FERMT2: variants seen among roughly 807,000 people sequenced by gnomAD.
The protein encoded by FERMT2 is FERM domain containing kindlin 2.
Under a neutral mutation model 82.7 loss-of-function variants are expected in FERMT2, and 15 were observed. The ratio of observed to expected loss-of-function variants is 0.18; its 90% confidence interval spans 0.12 to 0.28. FERMT2 has a LOEUF of 0.28. Ranked by LOEUF, FERMT2 falls within the 10% of genes least tolerant of loss-of-function variation. The probability of loss-of-function intolerance (pLI) is 1.00; values close to 1 mark genes in which losing one functional copy is unlikely to be tolerated. For missense variants in FERMT2, 645 were observed against 809.4 expected (o/e 0.80, Z 2.46); for synonymous variants, 274 against 271.5 (o/e 1.01, Z -0.09).
chr14:52,860,681 C>T, intron 12 of FERMT2: 1 of 570,466 alleles, frequency 1.8e-6, no homozygotes, highest in East Asian at 3.0e-5. Flanking sequence ...CATATATCAA[C>T]AAAAAGTACT....
At chr14:52,887,961 T>C (rs1376231723) in intron 4 of FERMT2, among the ~76,000 whole-genome samples, 1 of 152,196 alleles carries the variant, frequency 6.6e-6, no homozygotes, top group Non-Finnish European at 1.5e-5. Flanking sequence ...GCTGGTATTT[T>C]GTGGCGATTA....
intron 9 of FERMT2, 107 bp downstream of exon 9, chr14:52,874,070 C>T (rs1021574686): frequency 6.9e-6 from 4 of 579,228 alleles, no homozygotes; most frequent in Non-Finnish European, 1.2e-5. Context: ...AATCCTTTTA[C>T]AGTAGATGCG....
intron 4 of FERMT2, among the ~76,000 whole-genome samples, chr14:52,885,158 C>G (rs578037940): frequency 2.2e-4 from 34 of 151,120 alleles, no homozygotes; most frequent in African/African-American, 8.3e-4. Flanking sequence ...ACTAAAAATA[C>G]AAAAATTAGC....
chr14:52,930,174 A>C (rs954125326), intron 2 of FERMT2, among the ~76,000 whole-genome samples: 1 of 152,184 alleles, frequency 6.6e-6, no homozygotes, highest in Non-Finnish European at 1.5e-5. Flanking sequence ...TAACTAGAAG[A>C]GTGGCAGAGA....
At chr14:52,932,733 T>C (rs1232878533) in intron 2 of FERMT2, among the ~76,000 whole-genome samples, 1 of 152,238 alleles carries the variant, frequency 6.6e-6, no homozygotes, top group Admixed American at 6.5e-5. Flanking sequence ...CATTGGTAAT[T>C]AGATTATTCT....
chr14:52,918,678 C>G (rs1400278470), intron 3 of FERMT2, among the ~76,000 whole-genome samples: 1 of 152,150 alleles, frequency 6.6e-6, no homozygotes, highest in African/African-American at 2.4e-5. Context: ...AGAAATACTA[C>G]AGAGATGTTC....
At chr14:52,908,193 G>A (rs1281245077) in intron 3 of FERMT2, among the ~76,000 whole-genome samples, 1 of 152,150 alleles carries the variant, frequency 6.6e-6, no homozygotes, top group African/African-American at 2.4e-5. Context: ...ATGTTTCAAG[G>A]ACACAGAGCA....
chr14:52,918,192 T>C (rs1888728779), intron 3 of FERMT2, among the ~76,000 whole-genome samples: 1 of 152,180 alleles, frequency 6.6e-6, no homozygotes, highest in Non-Finnish European at 1.5e-5. Flanking sequence ...GTCTATACTC[T>C]GAATTACAGC....
chr14:52,887,966 C>T (rs545790081), intron 4 of FERMT2, among the ~76,000 whole-genome samples: 13 of 152,018 alleles, frequency 8.6e-5, no homozygotes, highest in Non-Finnish European at 1.5e-4. Context: ...TATTTTGTGG[C>T]GATTAAGTGA....
intron 3 of FERMT2, among the ~76,000 whole-genome samples, chr14:52,900,931 A>G (rs1024478811): frequency 6.6e-6 from 1 of 151,992 alleles, no homozygotes; most frequent in Non-Finnish European, 1.5e-5. Flanking sequence ...ATGATGAGCT[A>G]AACTCCACCC....
At position 52,872,792 on chromosome 14, in the gene FERMT2, TC is replaced by T; in HGVS notation, c.1273+6del. The T allele has an allele frequency of 2.5e-6, 4 of 1,613,650 alleles. No individual in the cohort carries two copies. Among genetic ancestry groups the T allele is most frequent in the Non-Finnish European group, 3.4e-6 (4 of 1,179,812 alleles). ...CATCAACAACAGCCGTGCCAGGCTCTCCTTACCCCTGAGGTTCATCTGATGA... is the reference window on the plus strand; with the variant it reads ...CATCAACAACAGCCGTGCCAGGCTCTCTTACCCCTGAGGTTCATCTGATGA... On this transcript the variant is annotated splice_donor_region_variant and intron_variant, in intron 10 of 14. Transcript: ENST00000341590.
At chr14:52,869,467 T>G (rs995911254) in intron 10 of FERMT2, among the ~76,000 whole-genome samples, 4 of 152,174 alleles carry the variant, frequency 2.6e-5, no homozygotes, top group Admixed American at 6.6e-5. Context: ...AGCATTTCGG[T>G]AAACAACGAA....
At chr14:52,861,125 C>A in intron 12 of FERMT2, 1 of 1,201,710 alleles carries the variant, frequency 8.3e-7, no homozygotes, top group South Asian at 1.5e-5. Flanking sequence ...GAAAAAGTTG[C>A]GGTCACCTGC....
chr14:52,919,470 T>C, intron 2 of FERMT2, 114 bp from the exon 3 acceptor site: 1 of 681,630 alleles, frequency 1.5e-6, no homozygotes, highest in Non-Finnish European at 2.5e-6. Flanking sequence ...AACTACTAAG[T>C]TACTGTTATG....
chr14:52,935,189 TA>T (rs927034787), intron 2 of FERMT2, among the ~76,000 whole-genome samples: 3 of 151,588 alleles, frequency 2.0e-5, no homozygotes, highest in South Asian at 2.1e-4. Flanking sequence ...GATGTCATAT[TA>T]AAAAAAAAGT....
intron 3 of FERMT2, among the ~76,000 whole-genome samples, chr14:52,916,432 G>A (rs1342848865): frequency 1.3e-5 from 2 of 151,942 alleles, no homozygotes; most frequent in African/African-American, 4.8e-5. Context: ...CTATTACGAG[G>A]TGAAAGAAAC....
chr14:52,943,374 T>A lies in FERMT2; in HGVS notation c.157+7038A>T, dbSNP rs980772573. ...TCATTTTACATGTATCTTAATGTAA[T>A]GTCAATAAGCCATTTATTATATAAT... On this transcript the variant is annotated intron_variant, in intron 2 of 14. Transcript: ENST00000341590. Among the ~76,000 whole-genome samples the A allele has an allele frequency of 9.2e-5, 14 of 152,284 alleles. No homozygotes were observed. The East Asian group carries it at 2.3e-3, about 25-fold the overall frequency.
At chr14:52,948,648 T>C (rs1483164672) in intron 2 of FERMT2, 3 of 449,890 alleles carry the variant, frequency 6.7e-6, no homozygotes, top group East Asian at 6.9e-5. Context: ...ATTAACATCA[T>C]TTCTGTCTGC....
intron 8 of FERMT2, among the ~76,000 whole-genome samples, chr14:52,875,007 C>G (rs1885868001): frequency 6.6e-6 from 1 of 152,068 alleles, no homozygotes; most frequent in African/African-American, 2.4e-5. Context: ...TGACCTATGA[C>G]GTGTGCCACT....
Sources: allele counts gnomAD v4.1 joint callset (sites outside exome capture counted in the v4.1 genomes callset), GRCh38; gene constraint gnomAD v4.1.1; transcripts MANE v1.5; gene names NCBI Gene and HGNC (gene_info 2026-07-23, HGNC 2026-07-21).